SACS: variants seen among roughly 807,000 people sequenced by gnomAD.
SACS encodes the protein sacsin molecular chaperone, also known as sacsin.
SACS carries 197 observed loss-of-function variants against 348.0 expected under a neutral mutation model. That is an observed-to-expected ratio of 0.57 (90% CI 0.50 to 0.64). The LOEUF (loss-of-function observed/expected upper bound fraction) is 0.64, where lower values mean the gene tolerates loss of function less well. Ranked by LOEUF, SACS falls within the 30% of genes least tolerant of loss-of-function variation. The probability of loss-of-function intolerance (pLI) is 0.00; values close to 1 mark genes in which losing one functional copy is unlikely to be tolerated. For synonymous variants in SACS, 1,985 were observed against 1,910.6 expected (o/e 1.04, Z -1.02); for missense variants, 4,999 against 5,360.8 (o/e 0.93, Z 2.11).
Position 23,331,983 on chromosome 13 carries a change from A to C in SACS, c.11893T>G (p.Phe3965Val). 6.2e-7 allele frequency: 1 copy of C among 1,614,124 alleles called. No homozygotes were observed. Among genetic ancestry groups the C allele is most frequent in the South Asian group, 1.1e-5 (1 of 91,078 alleles). ...HGFHTKLIML[F>V]PQKLRPRLLS... ...AATCGAGGTCTAAGTTTTTGAGGAA[A>C]GAGCATTATCAACTTAGTGTGAAAT... is the stretch of plus-strand genomic sequence containing the variant. The change falls in exon 10 of 10, where the codon TTT (phenylalanine) becomes GTT (valine). Residue 3965 changes from phenylalanine (F) to valine (V), a missense_variant. Transcript: ENST00000382292.
chr13:23,377,372 T>C (rs542488821), intron 2 of SACS, among the ~76,000 whole-genome samples: 1 of 152,132 alleles, frequency 6.6e-6, no homozygotes, highest in Non-Finnish European at 1.5e-5. Context: ...ACCATTTGAA[T>C]GAAAACATGG....
chr13:23,396,933 A>G (rs1410453529), intron 2 of SACS, among the ~76,000 whole-genome samples: 3 of 152,202 alleles, frequency 2.0e-5, no homozygotes, highest in Non-Finnish European at 4.4e-5. Context: ...TTAATTACTA[A>G]GCCTAAGTTT....
intron 3 of SACS, among the ~76,000 whole-genome samples, chr13:23,373,179 G>C (rs1241334031): frequency 6.6e-6 from 1 of 152,180 alleles, no homozygotes; most frequent in Admixed American, 6.5e-5. Flanking sequence ...AGACCCAGGA[G>C]AGGAAGGTTA....
At position 23,336,942 on chromosome 13, in the gene SACS, G is replaced by T; in HGVS notation, c.6934C>A (p.Gln2312Lys). ...KSVDDGITLY[Q>K]ENITNACYKY... ...TAGCAAGCATTGGTGATATTCTCCT[G>T]GTACAGTGTAATTCCATCATCAACT... is the stretch of plus-strand genomic sequence containing the variant. The change falls in exon 10 of 10, where the codon CAG (glutamine) becomes AAG (lysine). Residue 2312 changes from glutamine to lysine, a missense_variant. Coordinates refer to ENST00000382292, the MANE Select transcript of SACS (RefSeq NM_014363.6). 1 of 1,613,706 alleles carries T rather than the reference G, an allele frequency of 6.2e-7. No homozygotes were observed. Among genetic ancestry groups the T allele is most frequent in the South Asian group, 1.1e-5 (1 of 91,042 alleles).
intron 1 of SACS, among the ~76,000 whole-genome samples, chr13:23,412,405 CCCTT>C (rs1284120580): frequency 2.3e-5 from 3 of 129,420 alleles, no homozygotes; most frequent in African/African-American, 8.5e-5. Flanking sequence ...TAAATCCAAA[CCCTT>C]TTTTTTTTTT....
In SACS at chr13:23,416,753, TA is replaced by T. The variant is rs34241276; in HGVS notation, c.-501-5014del. Among the ~76,000 whole-genome samples the T allele has an allele frequency of 7.1e-3, 979 of 137,588 alleles. 9 individuals carry two copies. The highest frequency in any genetic ancestry group is 0.049 in the East Asian group (236 of 4,838). The allele number at this position is 137,588 out of a possible 152,430, so 90.3% of individuals were successfully genotyped here. ...GCCTGGGCAACAAGAAACTCCATCT[TA>T]AAAAAAAAAAAAAAGTAGAAGGGAA... is the stretch of plus-strand genomic sequence containing the variant. On this transcript the variant is annotated intron_variant, in intron 1 of 9. Coordinates refer to ENST00000382292, the MANE Select transcript of SACS (RefSeq NM_014363.6).
chr13:23,378,832 T>C (rs1425694827), intron 2 of SACS, among the ~76,000 whole-genome samples: 2 of 152,210 alleles, frequency 1.3e-5, no homozygotes, highest in Non-Finnish European at 2.9e-5. Flanking sequence ...AATTAGTGTA[T>C]TTTAACAGAA....
chr13:23,417,076 T>C (rs1336866126), intron 1 of SACS, among the ~76,000 whole-genome samples: 1 of 152,202 alleles, frequency 6.6e-6, no homozygotes, highest in Admixed American at 6.5e-5. Context: ...GAAAAGTATG[T>C]GTTAATGATA....
At chr13:23,365,066 G>A in intron 6 of SACS, 100 bp downstream of exon 6, 1 of 804,218 alleles carries the variant, frequency 1.2e-6, no homozygotes, top group South Asian at 1.7e-5. Context: ...ATGCCAAAAA[G>A]TACAAATGAT....
In SACS at chr13:23,367,895, G is replaced by GT. The variant is rs566688668; in HGVS notation, c.345+506dup. On this transcript the variant is annotated intron_variant, in intron 5 of 9. Transcript: ENST00000382292. ...AGGCATGAGCCACTGCGCCCAGCCT[G>GT]TTTTTTAAAGAGTATAATCAAACTA... Among the ~76,000 whole-genome samples the GT allele has an allele frequency of 3.9e-5, 6 of 152,278 alleles. No individual in the cohort carries two copies. The East Asian group carries it at 1.2e-3, about 29-fold the overall frequency.
At chr13:23,408,158 T>A (rs1014052213) in intron 2 of SACS, among the ~76,000 whole-genome samples, 2 of 152,162 alleles carry the variant, frequency 1.3e-5, no homozygotes, top group South Asian at 4.1e-4. Flanking sequence ...GTCACATTCA[T>A]CAAATGAAGC....
chr13:23,341,780 CTTTTT>C (rs4068499), intron 9 of SACS, 90 bp from the exon 10 acceptor site: 3,210 of 294,218 alleles, frequency 0.011, no homozygotes, highest in Middle Eastern at 0.02. Context: ...CTGGAAGGTT[CTTTTT>C]TTTTTTTTTT....
At chr13:23,416,890 CAG>C (rs1490721925) in intron 1 of SACS, among the ~76,000 whole-genome samples, 1 of 151,676 alleles carries the variant, frequency 6.6e-6, no homozygotes, top group Non-Finnish European at 1.5e-5. Flanking sequence ...CAGAACAAGA[CAG>C]AAAAAACAAA....
chr13:23,371,528 CATATT>C (rs1018936541), intron 3 of SACS, among the ~76,000 whole-genome samples: 11 of 152,092 alleles, frequency 7.2e-5, no homozygotes, highest in Non-Finnish European at 1.6e-4. Flanking sequence ...GACCTCAACA[CATATT>C]AGAGGACCAA....
Position 23,330,387 on chromosome 13 carries a change from C to G in SACS, c.13489G>C (p.Asp4497His), listed in dbSNP as rs200645609. 1 of 1,614,062 alleles carries G rather than the reference C, an allele frequency of 6.2e-7. No homozygotes were observed. Among genetic ancestry groups the G allele is most frequent in the Non-Finnish European group, 8.5e-7 (1 of 1,180,024 alleles). ...AADYAVRGKS[D>H]KDVKPTALAQ... ...AGTGCAGTTGGTTTTACATCTTTAT[C>G]AGACTTTCCCCTCACAGCATAGTCA... Residue 4497 changes from aspartate to histidine, a missense_variant, in exon 10 of 10, where the codon GAT (aspartate) becomes CAT (histidine). By Grantham distance (81) the Asp-to-His change is moderately conservative. Coordinates refer to ENST00000382292, the MANE Select transcript of SACS (RefSeq NM_014363.6).
Position 23,337,740 on chromosome 13 carries a change from G to T in SACS, c.6136C>A (p.Leu2046Ile). The T allele has an allele frequency of 6.2e-7, 1 of 1,613,792 alleles. No individual in the cohort carries two copies. Among genetic ancestry groups the T allele is most frequent in the Non-Finnish European group, 8.5e-7 (1 of 1,179,942 alleles). The change falls in exon 10 of 10, where the codon CTA becomes ATA. Residue 2046 changes from leucine (L) to isoleucine (I), a missense_variant. This residue lies in a region of SACS where 3,156 missense variants were observed against 3,380.1 expected (regional missense o/e 0.93). Coordinates refer to ENST00000382292, the MANE Select transcript of SACS (RefSeq NM_014363.6). ...TTCTCTGAAAATGTGTTTTCAAGTA[G>T]TATCTGTTTGCAGCCAGCTTCTTCA... ...GFEEAGCKQI[L>I]LENTFSEKQF... is the part of the protein sequence containing the mutation.
Position 23,340,536 on chromosome 13 carries a change from G to C in SACS, c.3340C>G (p.Gln1114Glu). Residue 1114 changes from glutamine to glutamate, a missense_variant, in exon 10 of 10, where the codon CAG becomes GAG. Coordinates refer to ENST00000382292, the MANE Select transcript of SACS (RefSeq NM_014363.6). ...VQVAKKIEAL[Q>E]VGACPDQDVL... ...TCTTGATCAGGACAAGCACCGACCT[G>C]TAAGGCTTCAATTTTTTTTGCCACT... 6.2e-7 allele frequency: 1 copy of C among 1,612,170 alleles called. No homozygotes were observed. Among genetic ancestry groups the C allele is most frequent in the South Asian group, 1.1e-5 (1 of 90,594 alleles).
intron 6 of SACS, among the ~76,000 whole-genome samples, chr13:23,364,437 C>T (rs1057419097): frequency 6.6e-6 from 1 of 152,000 alleles, no homozygotes; most frequent in Non-Finnish European, 1.5e-5. Context: ...TCTGCCACCA[C>T]GCCCAGCTAA....
chr13:23,352,871 T>A (rs922465959), intron 9 of SACS, among the ~76,000 whole-genome samples: 7 of 152,186 alleles, frequency 4.6e-5, no homozygotes, highest in African/African-American at 1.7e-4. Flanking sequence ...CCAACCTAAC[T>A]TGCCTCTCCC....
Sources: gnomAD v4.1 joint callset for allele counts (sites outside exome capture counted in the v4.1 genomes callset) on GRCh38, gnomAD v4.1.1 for gene constraint, gnomAD v4.1.1 regional missense constraint, MANE v1.5 for transcripts, NCBI Gene and HGNC (gene_info 2026-07-23, HGNC 2026-07-21) for gene names.